SELENOO: variants seen among roughly 807,000 people sequenced by gnomAD.
SELENOO encodes selenoprotein O.
Under a neutral mutation model 58.7 loss-of-function variants are expected in SELENOO, and 74 were observed. The ratio of observed to expected loss-of-function variants is 1.26; its 90% CI spans 1.04 to 1.53. The LOEUF (loss-of-function observed/expected upper bound fraction) is 1.53, where lower values mean the gene tolerates loss of function less well. Among genes scored for constraint, SELENOO ranks in the 40% most tolerant of loss-of-function variants. The probability of loss-of-function intolerance (pLI) is 0.00; values close to 1 mark genes in which losing one functional copy is unlikely to be tolerated. For missense variants in SELENOO, 1,149 were observed against 970.0 expected (o/e 1.18, Z -2.45); for synonymous variants, 543 against 453.2 (o/e 1.20, Z -2.52).
At chr22:50,207,591 G>A (rs1302323068) in intron 2 of SELENOO, among the ~76,000 whole-genome samples, 2 of 150,870 alleles carry the variant, frequency 1.3e-5, no homozygotes, top group Admixed American at 6.6e-5. Flanking sequence ...CCTGCAGGGG[G>A]ATGGGAAAGA....
intron 6 of SELENOO, among the ~76,000 whole-genome samples, 170 bp downstream of exon 6, chr22:50,216,037 C>T (rs1303922767): frequency 6.6e-6 from 1 of 152,152 alleles, no homozygotes; most frequent in East Asian, 1.9e-4. Flanking sequence ...GATGCTGGGG[C>T]CGGTTGGTCA....
At position 50,201,494 on chromosome 22, in the gene SELENOO, G is replaced by GCGCT. The variant is rs2064300359; in HGVS notation, c.460_461insCTCG (p.Asp154AlafsTer81). 4.9e-6 allele frequency: 7 copies of GCGCT among 1,425,730 alleles called. No individual in the cohort carries two copies. Among genetic ancestry groups the GCGCT allele is most frequent in the Admixed American group, 5.2e-5 (2 of 38,744 alleles). 88.3% of individuals were successfully genotyped at this position (1,425,730 alleles called of 1,614,324 possible). A position where few individuals can be genotyped will look rare whatever the true frequency, so the allele number is the denominator to read the frequency against. On this transcript the variant is annotated frameshift_variant, in exon 1 of 9. Transcript: ENST00000380903. LOFTEE classifies it high-confidence loss of function. ...TTCGGCCAGTTCGCCGGGCAGCTGG[G>GCGCT]CGACGGCGCCGCCATGTACCTGGGC...
chr22:50,211,262 C>T (rs952030147), intron 5 of SELENOO, among the ~76,000 whole-genome samples: 10 of 152,190 alleles, frequency 6.6e-5, no homozygotes, highest in African/African-American at 2.4e-4. Context: ...GTACGTGTTC[C>T]TCTTCTGGCT....
chr22:50,215,532 C>A (rs2064399681), intron 5 of SELENOO, among the ~76,000 whole-genome samples, 185 bp from the exon 6 acceptor site: 1 of 148,704 alleles, frequency 6.7e-6, no homozygotes, highest in Non-Finnish European at 1.5e-5. Context: ...TGGCACTGTG[C>A]CAGGTGGAGG....
intron 1 of SELENOO, among the ~76,000 whole-genome samples, chr22:50,202,656 A>AT (rs533921909): frequency 2.6e-5 from 4 of 151,976 alleles, no homozygotes; most frequent in South Asian, 2.1e-4. Flanking sequence ...TAAAAAGACA[A>AT]TTTTTTTTAT....
At chr22:50,214,032 A>G (rs1453034941) in intron 5 of SELENOO, among the ~76,000 whole-genome samples, 1 of 152,162 alleles carries the variant, frequency 6.6e-6, no homozygotes, top group Admixed American at 6.5e-5. Context: ...TGTCCCTTCC[A>G]TTCTGCCAAC....
At position 50,213,762 on chromosome 22, in the gene SELENOO, C is replaced by G. The variant is rs565716362; in HGVS notation, c.1352-1955C>G. Reference sequence around the variant, plus strand: ...TCCCAGGTTCACGGCATTTTCCTGCCTCAGCCTCCCGAGTAGCTGGGACTA... The same window carrying G: ...TCCCAGGTTCACGGCATTTTCCTGCGTCAGCCTCCCGAGTAGCTGGGACTA... On this transcript the variant is annotated intron_variant, in intron 5 of 8. Transcript: ENST00000380903. 7.6e-4 allele frequency among the ~76,000 whole-genome samples: 116 copies of G among 152,252 alleles called. 1 individual carries two copies. The highest frequency in any genetic ancestry group is 1.4e-3 in the Non-Finnish European group (93 of 68,030).
At position 50,201,384 on chromosome 22, in the gene SELENOO, C is replaced by T. The variant is rs2064298904; in HGVS notation, c.348C>T (p.Ala116=). The T allele has an allele frequency of 2.4e-6, 3 of 1,253,316 alleles. No individual in the cohort carries two copies. The highest frequency in any genetic ancestry group is 1.0e-6 in the Non-Finnish European group (1 of 998,020). The allele number at this position is 1,253,316 out of a possible 1,614,324, so 77.6% of individuals were successfully genotyped here. ...LGLGAPPARE[A]EAEAALFFSG... ...TGGGCGCGCCGCCCGCGCGCGAGGC[C>T]GAGGCCGAGGCCGCGCTGTTCTTCA... is the stretch of plus-strand genomic sequence containing the variant. The change falls in exon 1 of 9, where the codon GCC becomes GCT. Residue 116 remains alanine, a synonymous_variant. Coordinates refer to ENST00000380903, the MANE Select transcript of SELENOO (RefSeq NM_031454.2).
At chr22:50,212,452 A>G (rs990641148) in intron 5 of SELENOO, among the ~76,000 whole-genome samples, 7 of 152,188 alleles carry the variant, frequency 4.6e-5, no homozygotes, top group Non-Finnish European at 1.0e-4. Flanking sequence ...AGTTTTTTAC[A>G]ATTTCATTGT....
chr22:50,217,565 T>C lies in SELENOO; in HGVS notation c.*196T>C. The C allele has an allele frequency of 1.1e-6, 1 of 948,108 alleles. No individual in the cohort carries two copies. The highest frequency in any genetic ancestry group is 1.7e-5 in the South Asian group (1 of 58,720). 58.7% of individuals were successfully genotyped at this position (948,108 alleles called of 1,614,324 possible). ...CTGAGGCCGGCTCAGCAGTGCAGCC[T>C]GGTCCCTGGGGGCTGGACCCAGGCT... is the stretch of plus-strand genomic sequence containing the variant. On this transcript the variant is annotated 3_prime_UTR_variant, in exon 9 of 9. Transcript: ENST00000380903.
Position 50,216,870 on chromosome 22 carries a change from C to G in SELENOO, c.1682C>G (p.Ala561Gly). The G allele has an allele frequency of 6.2e-7, 1 of 1,607,266 alleles. No homozygotes were observed. ...NQGHWADWLQAYRARLDKDLE... is the reference protein window; with the variant it reads ...NQGHWADWLQGYRARLDKDLE... ...GGCCACTGGGCTGACTGGCTACAGG[C>G]GTACAGGTGAGCCCTGCGTCCATGG... The change falls in exon 7 of 9, where the codon GCG (alanine) becomes GGG (glycine). Residue 561 changes from alanine (A) to glycine (G), a missense_variant. Transcript: ENST00000380903.
chr22:50,211,370 T>C (rs1269613253), intron 5 of SELENOO, among the ~76,000 whole-genome samples: 1 of 151,972 alleles, frequency 6.6e-6, no homozygotes, highest in Non-Finnish European at 1.5e-5. Context: ...GGTGTACAGG[T>C]GGTAGGATTG....
chr22:50,201,972 C>G (rs2064304740), intron 1 of SELENOO, among the ~76,000 whole-genome samples: 1 of 152,228 alleles, frequency 6.6e-6, no homozygotes, highest in African/African-American at 2.4e-5. Flanking sequence ...AGGCCTGGCC[C>G]TGACTTCCCT....
chr22:50,209,881 C>T (rs947653549), intron 3 of SELENOO, among the ~76,000 whole-genome samples: 1 of 152,222 alleles, frequency 6.6e-6, no homozygotes. Flanking sequence ...GTGAACTGAC[C>T]CTTCTCTGCT....
intron 5 of SELENOO, among the ~76,000 whole-genome samples, chr22:50,211,506 T>C (rs1232569063): frequency 6.6e-6 from 1 of 152,194 alleles, no homozygotes; most frequent in South Asian, 2.1e-4. Flanking sequence ...GTTTCACCCA[T>C]TGAGTGTGAT....
chr22:50,217,483 C>A lies in SELENOO; in HGVS notation c.*114C>A. On this transcript the variant is annotated 3_prime_UTR_variant, in exon 9 of 9. Coordinates refer to ENST00000380903, the MANE Select transcript of SELENOO (RefSeq NM_031454.2). ...CTGGGGGATTCTGCCCTGGCCCATG[C>A]ACACCCGTCTTTCCATGATGGCAGA... The A allele has an allele frequency of 7.7e-7, 1 of 1,294,730 alleles. No homozygotes were observed. The highest frequency in any genetic ancestry group is 1.1e-6 in the Non-Finnish European group (1 of 938,856). 80.2% of individuals were successfully genotyped at this position (1,294,730 alleles called of 1,614,324 possible). A position where few individuals can be genotyped will look rare whatever the true frequency, so the allele number is the denominator to read the frequency against.
At chr22:50,211,422 C>T (rs1320149001) in intron 5 of SELENOO, among the ~76,000 whole-genome samples, 4 of 152,072 alleles carry the variant, frequency 2.6e-5, no homozygotes, top group South Asian at 2.1e-4. Context: ...CTAGCTAGGA[C>T]GTGTATGTTG....
In SELENOO at chr22:50,217,255, G is replaced by A. The variant is rs1386151513; in HGVS notation, c.1896G>A (p.Gly632=). The A allele has an allele frequency of 6.2e-7, 1 of 1,611,960 alleles. No homozygotes were observed. Among genetic ancestry groups the A allele is most frequent in the Non-Finnish European group, 8.5e-7 (1 of 1,179,588 alleles). The change falls in exon 9 of 9, where the codon GGG becomes GGA. Residue 632 remains glycine (G), a synonymous_variant. Transcript: ENST00000380903. The part of the protein sequence containing the change: ...LLETPYHCEA[G]AATDAEATEA... The stretch of plus-strand genomic sequence containing the variant: ...AGACCCCTTACCACTGCGAGGCGGG[G>A]GCCGCCACAGACGCCGAGGCCACGG...
At chr22:50,215,530 T>C (rs974287519) in intron 5 of SELENOO, among the ~76,000 whole-genome samples, 187 bp from the exon 6 acceptor site, 1 of 147,514 alleles carries the variant, frequency 6.8e-6, no homozygotes, top group Non-Finnish European at 1.5e-5. Flanking sequence ...TATGGCACTG[T>C]GCCAGGTGGA....
Sources: gnomAD v4.1 joint callset for allele counts (sites outside exome capture counted in the v4.1 genomes callset) on GRCh38, gnomAD v4.1.1 for gene constraint, MANE v1.5 for transcripts, NCBI Gene and HGNC (gene_info 2026-07-23, HGNC 2026-07-21) for gene names.